Variants in INA observed in about 807,000 individuals in gnomAD.
INA encodes the protein internexin neuronal intermediate filament protein alpha.
Under a neutral mutation model 40.1 loss-of-function variants are expected in INA, and 35 were observed. That is an observed-to-expected ratio of 0.87 (90% CI 0.67 to 1.16). The LOEUF is 1.16. Among genes scored for constraint, INA ranks in the 50% most tolerant of loss-of-function variants. The pLI is 0.00. For missense variants in INA, 594 were observed against 686.7 expected (o/e 0.87, Z 1.51); for synonymous variants, 290 against 316.9 (o/e 0.92, Z 0.90).
intron 1 of INA, chr10:103,280,249 C>T: frequency 1.0e-6 from 1 of 985,418 alleles, no homozygotes; most frequent in Non-Finnish European, 1.2e-6. Context: ...CCTTTAGAGC[C>T]ACAGAGGACC....
In INA at chr10:103,287,590, C is replaced by T. The variant is rs535780817; in HGVS notation, c.1190+431C>T. Among the ~76,000 whole-genome samples the T allele has an allele frequency of 1.4e-3, 218 of 151,908 alleles. 1 individual carries two copies. Among genetic ancestry groups the T allele is most frequent in the Non-Finnish European group, 2.3e-3 (157 of 68,000 alleles). On this transcript the variant is annotated intron_variant, in intron 2 of 2. Transcript: ENST00000369849. ...TCTCTACTAAAAACACAAAAATTGG[C>T]CAGGCGTGGTGGCACACACCTGCAG... is the stretch of plus-strand genomic sequence containing the variant.
Position 103,288,644 on chromosome 10 carries a change from C to G in INA, c.1475C>G (p.Thr492Ser), listed in dbSNP as rs1164951444. ...KKTEKSNIEE[T>S]TISSQKI is the part of the protein sequence containing the mutation. ...ACCGAGAAATCAAATATAGAAGAAA[C>G]CACCATTTCAAGCCAAAAAATATAA... Residue 492 changes from threonine (T) to serine (S), a missense_variant, in exon 3 of 3, where the codon ACC becomes AGC. By Grantham distance (58) the Thr-to-Ser change is moderately conservative (BLOSUM62 1). This residue lies in a region of INA where 379 missense variants were observed against 496.1 expected (regional missense o/e 0.76). Coordinates refer to ENST00000369849, the MANE Select transcript of INA (RefSeq NM_032727.4). The G allele has an allele frequency of 6.3e-7, 1 of 1,578,830 alleles. No individual in the cohort carries two copies. Among genetic ancestry groups the G allele is most frequent in the Admixed American group, 2.0e-5 (1 of 51,060 alleles).
chr10:103,280,882 T>G lies in INA; in HGVS notation c.1065+2606T>G, dbSNP rs1241173440. The G allele has an allele frequency of 3.0e-6, 3 of 985,238 alleles. No individual in the cohort carries two copies. In the African/African-American group the frequency reaches 5.2e-5, roughly 17 times the overall value. The allele number at this position is 985,238 out of a possible 1,614,324, so 61.0% of individuals were successfully genotyped here. ...CATAGCCACTTCGGCACCATTAGAG[T>G]CCTAGTTCTGTTAAAGATGTCCAAA... On this transcript the variant is annotated intron_variant, in intron 1 of 2. Coordinates refer to ENST00000369849, the MANE Select transcript of INA (RefSeq NM_032727.4).
rs2093079028 is a variant in INA, at chr10:103,283,969, C to T, written c.1066-3066C>T. Among the ~76,000 whole-genome samples, 3 of 151,902 alleles carry T rather than the reference C, an allele frequency of 2.0e-5. No homozygotes were observed. The South Asian group carries it at 6.3e-4, about 32-fold the overall frequency. ...GTTTCACCATGTTGGCCAGCATAGTCTCAGTCTCTTGATTGACCTGAACTC... is the reference window on the plus strand; with the variant it reads ...GTTTCACCATGTTGGCCAGCATAGTTTCAGTCTCTTGATTGACCTGAACTC... On this transcript the variant is annotated intron_variant, in intron 1 of 2. Coordinates refer to ENST00000369849, the MANE Select transcript of INA (RefSeq NM_032727.4).
intron 1 of INA, chr10:103,280,600 A>G: frequency 1.0e-6 from 1 of 985,460 alleles, no homozygotes; most frequent in Non-Finnish European, 1.2e-6. Flanking sequence ...GGAAGGCCCC[A>G]TTAAAGTCCC....
In INA at chr10:103,278,284, C is replaced by A. The variant is rs1348786527; in HGVS notation, c.1065+8C>A. 1.9e-5 allele frequency: 29 copies of A among 1,532,462 alleles called. No individual in the cohort carries two copies. Among genetic ancestry groups the A allele is most frequent in the African/African-American group, 2.7e-5 (2 of 72,858 alleles). 94.9% of individuals were successfully genotyped at this position (1,532,462 alleles called of 1,614,324 possible). On this transcript the variant is annotated splice_region_variant and intron_variant, in intron 1 of 2. Coordinates refer to ENST00000369849, the MANE Select transcript of INA (RefSeq NM_032727.4). This position sits in a 1 kb window ranked among gnomAD's most constrained non-coding sequence, Gnocchi z 4.9. ...GAGGTAGCTGGCTACCAGGTAAGGG[C>A]CGGGGCTGGGCGTGGGGAGGGGTGC...
At chr10:103,281,020 C>A in intron 1 of INA, 2 of 695,274 alleles carry the variant, frequency 2.9e-6, no homozygotes, top group Non-Finnish European at 3.5e-6. Flanking sequence ...CAGGTTAATG[C>A]TCTCCAGGGA....
rs1284258039 is a variant in INA, at chr10:103,278,289, G to A, written c.1065+13G>A. 24 of 1,524,386 alleles carry A rather than the reference G, an allele frequency of 1.6e-5. No individual in the cohort carries two copies. The highest frequency in any genetic ancestry group is 7.1e-6 in the Non-Finnish European group (8 of 1,131,378). The allele number at this position is 1,524,386 out of a possible 1,614,324, so 94.4% of individuals were successfully genotyped here. A position where few individuals can be genotyped will look rare whatever the true frequency, so the allele number is the denominator to read the frequency against. ...AGCTGGCTACCAGGTAAGGGCCGGG[G>A]CTGGGCGTGGGGAGGGGTGCCCTGC... On this transcript the variant is annotated intron_variant, in intron 1 of 2. Transcript: ENST00000369849. This position sits in a 1 kb window ranked among gnomAD's most constrained non-coding sequence, Gnocchi z 4.9.
At chr10:103,281,734 G>C (rs1231160432) in intron 1 of INA, among the ~76,000 whole-genome samples, 1 of 152,196 alleles carries the variant, frequency 6.6e-6, no homozygotes, top group Non-Finnish European at 1.5e-5. Flanking sequence ...GCCCCCAAAC[G>C]TGCTGAAATC....
chr10:103,284,805 G>A (rs913617396), intron 1 of INA, among the ~76,000 whole-genome samples: 6 of 151,878 alleles, frequency 4.0e-5, no homozygotes, highest in Admixed American at 2.0e-4. Flanking sequence ...AGAGCTGAGA[G>A]CAGGGTGGCT....
At chr10:103,283,053 C>G (rs969192315) in intron 1 of INA, among the ~76,000 whole-genome samples, 3 of 152,066 alleles carry the variant, frequency 2.0e-5, no homozygotes, top group Non-Finnish European at 4.4e-5. Flanking sequence ...TTGAGGATCT[C>G]AGAACACCTT....
rs1396398298 is a variant in INA at position 103,278,326 on chromosome 10, C to T, written c.1065+50C>T. 1.4e-6 allele frequency: 2 copies of T among 1,381,172 alleles called. No individual in the cohort carries two copies. The highest frequency in any genetic ancestry group is 5.0e-5 in the East Asian group (2 of 39,804). The allele number at this position is 1,381,172 out of a possible 1,614,324, so 85.6% of individuals were successfully genotyped here. The stretch of plus-strand genomic sequence containing the variant: ...GAGGGGTGCCCTGCCCTCTTCCGCG[C>T]GTACCCTCTTCCTCTGGTAAAACTG... On this transcript the variant is annotated intron_variant, in intron 1 of 2. Coordinates refer to ENST00000369849, the MANE Select transcript of INA (RefSeq NM_032727.4). The surrounding 1 kb of genome is among the most constrained non-coding windows in gnomAD (Gnocchi z 4.9).
At chr10:103,288,285 T>C (rs1037092216) in intron 2 of INA, 75 bp from the exon 3 acceptor site, 21 of 1,245,076 alleles carry the variant, frequency 1.7e-5, no homozygotes, top group Non-Finnish European at 2.2e-5. Flanking sequence ...CTCAAATGAA[T>C]CAGGATTGGA....
At chr10:103,282,033 G>A (rs1195369549) in intron 1 of INA, among the ~76,000 whole-genome samples, 1 of 152,210 alleles carries the variant, frequency 6.6e-6, no homozygotes, top group East Asian at 1.9e-4. Flanking sequence ...GCTTCTGAAG[G>A]GCAATGCAAG....
rs183666147 is a variant in INA, at chr10:103,290,334, C to T, written c.*1665C>T. On this transcript the variant is annotated 3_prime_UTR_variant, in exon 3 of 3. Coordinates refer to ENST00000369849, the MANE Select transcript of INA (RefSeq NM_032727.4). ...GTAACATAATAAATTAAAAGTCACA[C>T]GAATCTCACCAACATAATTCGTGTT... 3.9e-5 allele frequency: 6 copies of T among 152,348 alleles called. No homozygotes were observed. Among genetic ancestry groups the T allele is most frequent in the South Asian group, 2.1e-4 (1 of 4,824 alleles). The allele number at this position is 152,348 out of a possible 1,614,324, so 9.4% of individuals were successfully genotyped here.
chr10:103,284,355 C>T (rs75055405), intron 1 of INA, among the ~76,000 whole-genome samples: 3,066 of 152,186 alleles, frequency 0.02, 72 homozygotes, highest in South Asian at 0.075. Flanking sequence ...CTAAATATCC[C>T]GCATTTCACA....
intron 1 of INA, chr10:103,280,395 T>C: frequency 2.0e-6 from 2 of 985,442 alleles, no homozygotes; most frequent in Non-Finnish European, 2.4e-6. Flanking sequence ...CTCTGACTGT[T>C]CTAACAATCT....
rs773007523 is a variant in INA at position 103,288,438 on chromosome 10, A to T, written c.1269A>T (p.Pro423=). 6.2e-7 allele frequency: 1 copy of T among 1,614,018 alleles called. No homozygotes were observed. Among genetic ancestry groups the T allele is most frequent in the South Asian group, 1.1e-5 (1 of 91,060 alleles). ...SISGLNPLPN[P]SYLLPPRILS... ...CGGGGCTGAATCCACTTCCCAATCCAAGTTACCTGCTCCCACCTAGAATCC... is the reference window on the plus strand; with the variant it reads ...CGGGGCTGAATCCACTTCCCAATCCTAGTTACCTGCTCCCACCTAGAATCC... The change falls in exon 3 of 3, where the codon CCA becomes CCT. Residue 423 remains proline (P), a synonymous_variant. Coordinates refer to ENST00000369849, the MANE Select transcript of INA (RefSeq NM_032727.4).
chr10:103,288,369 G>A lies in INA; in HGVS notation c.1200G>A (p.Leu400=). 1.3e-6 allele frequency: 2 copies of A among 1,594,468 alleles called. No homozygotes were observed. Among genetic ancestry groups the A allele is most frequent in the Non-Finnish European group, 1.7e-6 (2 of 1,174,056 alleles). Residue 400 remains leucine, a synonymous_variant, in exon 3 of 3, where the codon CTG becomes CTA. Transcript: ENST00000369849. The stretch of plus-strand genomic sequence containing the variant: ...TCTGTTGAATTTACAGGAAACTGCT[G>A]GAAGGCGAGGAGACACGTTTTAGCA... ...DIEIAAYRKL[L]EGEETRFSTS...
Sources: allele counts gnomAD v4.1 joint callset (sites outside exome capture counted in the v4.1 genomes callset), GRCh38; gene constraint gnomAD v4.1.1; regional missense constraint gnomAD v4.1.1; non-coding constraint Gnocchi (gnomAD v3.1); transcripts MANE v1.5; gene names NCBI Gene and HGNC (gene_info 2026-07-23, HGNC 2026-07-21).